Variants in PACS1 observed in about 807,000 individuals in gnomAD.
The protein encoded by PACS1 is phosphofurin acidic cluster sorting protein 1, also known as PACS-1.
A neutral mutation model predicts 115.0 loss-of-function variants in PACS1; 24 were observed. The observed-to-expected ratio is 0.21, with a 90% CI of 0.15 to 0.29. The LOEUF is 0.29. Among genes scored for constraint, PACS1 ranks in the 10% least tolerant of loss-of-function variants. The probability of loss-of-function intolerance (pLI) is 1.00; values close to 1 mark genes in which losing one functional copy is unlikely to be tolerated. For missense variants in PACS1, 838 were observed against 1,251.2 expected (o/e 0.67, Z 4.98); for synonymous variants, 453 against 504.5 (o/e 0.90, Z 1.37).
At chr11:66,144,193 G>C (rs1859066251) in intron 1 of PACS1, among the ~76,000 whole-genome samples, 2 of 152,140 alleles carry the variant, frequency 1.3e-5, no homozygotes, top group Non-Finnish European at 2.9e-5. Context: ...CTTGGGTTGG[G>C]TCCTTATCAA....
intron 1 of PACS1, among the ~76,000 whole-genome samples, chr11:66,074,705 G>T (rs1309950368): frequency 2.0e-5 from 3 of 151,964 alleles, no homozygotes; most frequent in Non-Finnish European, 4.4e-5. Context: ...TTTTTAAGTG[G>T]GTGCTGAGGT....
intron 1 of PACS1, among the ~76,000 whole-genome samples, chr11:66,092,296 C>G (rs374082782): frequency 1.2e-4 from 18 of 152,070 alleles, no homozygotes; most frequent in African/African-American, 3.6e-4. Context: ...TTTTTCATGT[C>G]TTTTTTGGCT....
At chr11:66,221,300 C>G (rs1043270053) in intron 10 of PACS1, 53 bp downstream of exon 10, 27 of 1,451,414 alleles carry the variant, frequency 1.9e-5, no homozygotes, top group South Asian at 3.4e-5. Flanking sequence ...TGTCAGGGCT[C>G]GACGCTCTGG....
At chr11:66,173,632 C>T (rs1004082395) in intron 1 of PACS1, among the ~76,000 whole-genome samples, 1 of 151,978 alleles carries the variant, frequency 6.6e-6, no homozygotes, top group Non-Finnish European at 1.5e-5. Context: ...ATCGCTTGAA[C>T]CCGGGAGGCA....
chr11:66,132,506 C>A (rs1394445260), intron 1 of PACS1, among the ~76,000 whole-genome samples: 2 of 152,080 alleles, frequency 1.3e-5, no homozygotes, highest in African/African-American at 2.4e-5. Flanking sequence ...TACACACATC[C>A]TCCCTCGTAC....
intron 1 of PACS1, among the ~76,000 whole-genome samples, chr11:66,093,885 A>G (rs1007792509): frequency 3.9e-5 from 6 of 152,240 alleles, no homozygotes; most frequent in Non-Finnish European, 7.3e-5. Context: ...ACTCAGGATT[A>G]AGAATCTCAC....
In PACS1 at chr11:66,233,701, A is replaced by G. The variant is rs756667622; in HGVS notation, c.1839-84A>G. ...TGCTTTTCCCCTGTGGGTTGTTGAG[A>G]TCACAGAAAGTCAGCTCTGGGCCTC... On this transcript the variant is annotated intron_variant, in intron 15 of 23. Transcript: ENST00000320580. This position sits in a 1 kb window ranked among gnomAD's most constrained non-coding sequence, Gnocchi z 4.5. 2 of 1,377,040 alleles carry G rather than the reference A, an allele frequency of 1.5e-6. No individual in the cohort carries two copies. Among genetic ancestry groups the G allele is most frequent in the Non-Finnish European group, 9.9e-7 (1 of 1,008,330 alleles). 85.3% of individuals were successfully genotyped at this position (1,377,040 alleles called of 1,614,324 possible).
At chr11:66,191,735 C>T (rs10896094) in intron 1 of PACS1, among the ~76,000 whole-genome samples, 31,359 of 152,108 alleles carry the variant, frequency 0.21, 3,323 homozygotes, top group Middle Eastern at 0.28. Flanking sequence ...TTTGAAAGTA[C>T]TTGGGTGACT....
At chr11:66,215,220 C>T (rs952428935) in intron 4 of PACS1, among the ~76,000 whole-genome samples, 1 of 152,192 alleles carries the variant, frequency 6.6e-6, no homozygotes. Flanking sequence ...GTGTGAGCCA[C>T]CACACCTGGC....
At chr11:66,086,300 G>A (rs993930018) in intron 1 of PACS1, among the ~76,000 whole-genome samples, 7 of 150,798 alleles carry the variant, frequency 4.6e-5, no homozygotes, top group East Asian at 1.9e-4. Context: ...TACCTCGCCC[G>A]GCTAATTTTT....
intron 1 of PACS1, among the ~76,000 whole-genome samples, chr11:66,114,482 T>A (rs1858260975): frequency 6.6e-6 from 1 of 151,996 alleles, no homozygotes; most frequent in Non-Finnish European, 1.5e-5. Context: ...TATCTCATAC[T>A]TTTTAATGGC....
intron 1 of PACS1, among the ~76,000 whole-genome samples, chr11:66,182,602 A>G (rs992642957): frequency 1.2e-4 from 18 of 152,030 alleles, no homozygotes; most frequent in Admixed American, 1.1e-3. Flanking sequence ...AGCTGGAACT[A>G]TAGGCATGTA....
intron 1 of PACS1, among the ~76,000 whole-genome samples, chr11:66,156,579 G>T (rs1859366488): frequency 6.6e-6 from 1 of 152,038 alleles, no homozygotes; most frequent in East Asian, 1.9e-4. Context: ...TTCCGGCTGG[G>T]CATGGTGGCT....
At chr11:66,241,706 G>A (rs189215861) in intron 22 of PACS1, 53 bp downstream of exon 22, 312 of 1,393,166 alleles carry the variant, frequency 2.2e-4, no homozygotes, top group African/African-American at 1.6e-3. Flanking sequence ...CTCCCGTCTC[G>A]TCTCTCAGGG....
At chr11:66,215,323 C>T (rs976472828) in intron 4 of PACS1, among the ~76,000 whole-genome samples, 1 of 151,208 alleles carries the variant, frequency 6.6e-6, no homozygotes, top group African/African-American at 2.4e-5. Flanking sequence ...AGACCTTAGG[C>T]CAAATGCAGT....
chr11:66,129,120 T>C (rs113414733), intron 1 of PACS1, among the ~76,000 whole-genome samples: 3,584 of 152,078 alleles, frequency 0.024, 128 homozygotes, highest in African/African-American at 0.081. Context: ...GTAATGTCAA[T>C]TTAAAAATTG....
At chr11:66,156,650 C>G (rs981184450) in intron 1 of PACS1, among the ~76,000 whole-genome samples, 2 of 151,930 alleles carry the variant, frequency 1.3e-5, no homozygotes, top group African/African-American at 4.8e-5. Context: ...GTCAGGAGAT[C>G]GAGACCATCC....
At chr11:66,124,408 T>C (rs1301590672) in intron 1 of PACS1, among the ~76,000 whole-genome samples, 1 of 152,214 alleles carries the variant, frequency 6.6e-6, no homozygotes, top group East Asian at 1.9e-4. Flanking sequence ...CCTAGAGTTA[T>C]ATAGTTAGGG....
intron 2 of PACS1, among the ~76,000 whole-genome samples, chr11:66,196,235 A>G (rs1421945899): frequency 6.6e-6 from 1 of 152,246 alleles, no homozygotes; most frequent in Non-Finnish European, 1.5e-5. Flanking sequence ...AACAAGGGAG[A>G]GAAAGCCAGT....
Sources: allele counts gnomAD v4.1 joint callset (sites outside exome capture counted in the v4.1 genomes callset), GRCh38; gene constraint gnomAD v4.1.1; non-coding constraint Gnocchi (gnomAD v3.1); transcripts MANE v1.5; gene names NCBI Gene and HGNC (gene_info 2026-07-23, HGNC 2026-07-21).